PLET1: variants seen among roughly 807,000 people sequenced by gnomAD.
The protein encoded by PLET1 is placenta-expressed transcript 1 protein.
In PLET1, 20 loss-of-function variants were observed where a neutral mutation model predicts 18.5. The observed-to-expected ratio is 1.08, with a 90% CI of 0.76 to 1.57. The LOEUF is 1.57. Ranked by LOEUF, PLET1 falls within the 40% of genes most tolerant of loss-of-function variation. The pLI is 0.00. For missense variants in PLET1, 256 were observed against 246.4 expected, an observed-to-expected ratio of 1.04 and a Z score of -0.26; for synonymous variants, 93 against 93.8, an observed-to-expected ratio of 0.99 and a Z score of 0.05.
chr11:112,258,964 G>T (rs113164493), intron 1 of PLET1, among the ~76,000 whole-genome samples: 4 of 152,212 alleles, frequency 2.6e-5, no homozygotes, highest in African/African-American at 9.6e-5. Context: ...CTTTGCAAAA[G>T]TTAGACTTTT....
intron 1 of PLET1, 80 bp from the exon 2 acceptor site, chr11:112,255,669 A>C: frequency 8.1e-7 from 1 of 1,241,386 alleles, no homozygotes; most frequent in Non-Finnish European, 1.2e-6. Context: ...GTGAAATCAA[A>C]ACAAAGCGTG....
At chr11:112,255,079 GGT>G (rs1860210084) in intron 2 of PLET1, among the ~76,000 whole-genome samples, 1 of 17,692 alleles carries the variant, frequency 5.7e-5, no homozygotes, top group African/African-American at 1.4e-4. Context: ...TGGTGTGTGT[GGT>G]ATGTGTGGTG....
intron 1 of PLET1, among the ~76,000 whole-genome samples, chr11:112,258,281 CTTTT>C (rs35254168): frequency 2.0e-5 from 2 of 97,690 alleles, no homozygotes; most frequent in Non-Finnish European, 4.1e-5. Context: ...TTCTTTCTTT[CTTTT>C]TTTTTTTTTT....
In PLET1 at chr11:112,248,947, A is replaced by G; in HGVS notation, c.476T>C (p.Ile159Thr). 6.4e-7 allele frequency: 1 copy of G among 1,550,748 alleles called. No homozygotes were observed. ...AGGCTTGAAGGCTGAGCTCTGGGGA[A>G]TCTTGGCAGCTAAGGCTAAGGTTGA... ...KLSTLALAAK[I>T]PQSSAFKPFF... is the part of the protein sequence containing the mutation. The change falls in exon 4 of 4, where the codon ATT becomes ACT. Residue 159 changes from isoleucine (I) to threonine (T), a missense_variant. Transcript: ENST00000338832.
chr11:112,252,183 G>A lies in PLET1; in HGVS notation c.448+165C>T, dbSNP rs149596774. On this transcript the variant is annotated intron_variant, in intron 3 of 3. Coordinates refer to ENST00000338832, the MANE Select transcript of PLET1 (RefSeq NM_001145024.1). ...TTTTCTAAAGGACATGGGACAACGG[G>A]TTGGGCAAATATTCTATAGGTCTCA... Among the ~76,000 whole-genome samples the A allele has an allele frequency of 8.5e-5, 13 of 152,298 alleles. No individual in the cohort carries two copies. In the East Asian group the frequency reaches 2.3e-3, roughly 27 times the overall value.
intron 2 of PLET1, among the ~76,000 whole-genome samples, chr11:112,253,469 C>T (rs1347035173): frequency 2.6e-5 from 4 of 152,256 alleles, no homozygotes; most frequent in African/African-American, 7.2e-5. Context: ...AGCGTGTTAT[C>T]GCGGGTGTGC....
intron 1 of PLET1, among the ~76,000 whole-genome samples, chr11:112,257,214 T>A (rs567091075): frequency 1.6e-4 from 25 of 152,274 alleles, no homozygotes; most frequent in African/African-American, 6.0e-4. Flanking sequence ...GCCTTTCCCT[T>A]TTTCTGCAAA....
chr11:112,259,303 G>A (rs746173519), intron 1 of PLET1, among the ~76,000 whole-genome samples: 19 of 152,188 alleles, frequency 1.2e-4, no homozygotes, highest in Non-Finnish European at 2.4e-4. Flanking sequence ...TCCGGGACCT[G>A]AGCAAGAGTC....
Position 112,248,879 on chromosome 11 carries a change from C to T in PLET1, c.544G>A (p.Ala182Thr). 6.4e-7 allele frequency: 1 copy of T among 1,551,526 alleles called. No individual in the cohort carries two copies. The highest frequency in any genetic ancestry group is 8.7e-7 in the Non-Finnish European group (1 of 1,146,970). Residue 182 changes from alanine (A) to threonine (T), a missense_variant, in exon 4 of 4, where the codon GCC (alanine) becomes ACC (threonine). Ala to Thr is a moderately conservative substitution (Grantham distance 58). Transcript: ENST00000338832. Reference protein sequence around the residue: ...TPKSIRLEGLANQVFSSPITE... With the variant: ...TPKSIRLEGLTNQVFSSPITE... ...ATGGGGCTGCTGAAGACTTGGTTGGCCAAGCCTTCGAGTCTGATACTCTTG... is the reference window on the plus strand; with the variant it reads ...ATGGGGCTGCTGAAGACTTGGTTGGTCAAGCCTTCGAGTCTGATACTCTTG...
intron 3 of PLET1, among the ~76,000 whole-genome samples, 196 bp from the exon 4 acceptor site, chr11:112,249,170 G>C (rs897585109): frequency 3.3e-5 from 5 of 152,058 alleles, no homozygotes; most frequent in African/African-American, 1.2e-4. Flanking sequence ...AAACACACAG[G>C]GTTAAGTAAC....
Position 112,260,542 on chromosome 11 carries a change from C to A in PLET1, c.48G>T (p.Leu16=). 1 of 1,551,688 alleles carries A rather than the reference C, an allele frequency of 6.4e-7. No individual in the cohort carries two copies. Among genetic ancestry groups the A allele is most frequent in the Non-Finnish European group, 8.7e-7 (1 of 1,146,978 alleles). ...CAGAAGAAAGCTGCAGACTGAGGCACAGAAACATCCCCAGTGGCTGCAGCA... is the reference window on the plus strand; with the variant it reads ...CAGAAGAAAGCTGCAGACTGAGGCAAAGAAACATCCCCAGTGGCTGCAGCA... ...DMLLQPLGMF[L]CLSLQLSSAT... Residue 16 remains leucine (L), a synonymous_variant, in exon 1 of 4, where the codon CTG becomes CTT. Coordinates refer to ENST00000338832, the MANE Select transcript of PLET1 (RefSeq NM_001145024.1).
rs1490524340 is a variant in PLET1 at position 112,260,622 on chromosome 11, G to T, written c.-33C>A. On this transcript the variant is annotated 5_prime_UTR_variant, in exon 1 of 4. Transcript: ENST00000338832. ...GTCTGTTTGGAAAGTGCTAGGCCTG[G>T]AATTGGGTGAAACTGACAACTCACC... is the stretch of plus-strand genomic sequence containing the variant. The T allele has an allele frequency of 3.9e-6, 6 of 1,527,678 alleles. No homozygotes were observed. Among genetic ancestry groups the T allele is most frequent in the Non-Finnish European group, 5.3e-6 (6 of 1,132,224 alleles). The allele number at this position is 1,527,678 out of a possible 1,614,324, so 94.6% of individuals were successfully genotyped here.
At chr11:112,255,610 A>C (rs1860217637) in intron 1 of PLET1, 21 bp from the exon 2 acceptor site, 2 of 1,546,072 alleles carry the variant, frequency 1.3e-6, no homozygotes, top group Admixed American at 3.9e-5. Flanking sequence ...ATGATGAAGA[A>C]GCAATCAGCC....
intron 2 of PLET1, among the ~76,000 whole-genome samples, chr11:112,255,139 ATGTG>A (rs764398372): frequency 9.7e-4 from 104 of 107,522 alleles, no homozygotes; most frequent in Non-Finnish European, 1.5e-3. Context: ...TGTGGGGTGC[ATGTG>A]TGTGTGTGGT....
In PLET1 at chr11:112,260,793, T is replaced by G; in HGVS notation, c.-204A>C. The stretch of plus-strand genomic sequence containing the variant: ...GTCACCATTACCTGTCACCGATGAT[T>G]TTGCAAATTGCAGTTTTGCTCAAGA... On this transcript the variant is annotated 5_prime_UTR_variant, in exon 1 of 4. Transcript: ENST00000338832. The G allele has an allele frequency of 1.9e-6, 1 of 535,688 alleles. No individual in the cohort carries two copies. The highest frequency in any genetic ancestry group is 3.0e-5 in the East Asian group (1 of 33,844). 33.2% of individuals were successfully genotyped at this position (535,688 alleles called of 1,614,324 possible).
intron 2 of PLET1, 47 bp from the exon 3 acceptor site, chr11:112,252,456 G>T (rs1592889529): frequency 6.7e-7 from 1 of 1,493,768 alleles, no homozygotes. Context: ...ACCTCATGCG[G>T]AATTCACAAG....
intron 1 of PLET1, among the ~76,000 whole-genome samples, chr11:112,256,869 G>A (rs1343287598): frequency 2.9e-5 from 4 of 136,620 alleles, no homozygotes; most frequent in Admixed American, 7.9e-5. Flanking sequence ...AGCTCTGCAC[G>A]GGTGTGCCCT....
At chr11:112,256,403 G>C (rs1185627918) in intron 1 of PLET1, among the ~76,000 whole-genome samples, 1 of 152,122 alleles carries the variant, frequency 6.6e-6, no homozygotes, top group Non-Finnish European at 1.5e-5. Context: ...AACACAAAAG[G>C]ATCAGACAGT....
chr11:112,257,526 A>C (rs1443295663), intron 1 of PLET1, among the ~76,000 whole-genome samples: 1 of 152,114 alleles, frequency 6.6e-6, no homozygotes, highest in Non-Finnish European at 1.5e-5. Flanking sequence ...TTTAAAAGTC[A>C]TGCATCCAAT....
Sources: allele counts gnomAD v4.1 joint callset (sites outside exome capture counted in the v4.1 genomes callset), GRCh38; gene constraint gnomAD v4.1.1; transcripts MANE v1.5; gene names NCBI Gene and HGNC (gene_info 2026-07-23, HGNC 2026-07-21).